POLE: variants seen among roughly 807,000 people sequenced by gnomAD.
POLE encodes DNA polymerase epsilon catalytic subunit A.
In POLE, 188 loss-of-function variants were observed where a neutral mutation model predicts 279.2. That is an observed-to-expected ratio of 0.67 (90% CI 0.60 to 0.76). The LOEUF (loss-of-function observed/expected upper bound fraction) is 0.76, where lower values mean the gene tolerates loss of function less well. Among genes scored for constraint, POLE ranks in the 30% least tolerant of loss-of-function variants. The probability of loss-of-function intolerance (pLI) is 0.00; values close to 1 mark genes in which losing one functional copy is unlikely to be tolerated. For missense variants in POLE, 2,703 were observed against 3,016.7 expected, an observed-to-expected ratio of 0.90 and a Z score of 2.44; for synonymous variants, 1,214 against 1,172.5, an observed-to-expected ratio of 1.04 and a Z score of -0.72.
At position 132,642,847 on chromosome 12, in the gene POLE, G is replaced by A. The variant is rs1060504060; in HGVS notation, c.4701C>T (p.Ala1567=). The A allele has an allele frequency of 1.2e-5, 19 of 1,614,082 alleles. No homozygotes were observed. Among genetic ancestry groups the A allele is most frequent in the Non-Finnish European group, 1.6e-5 (19 of 1,179,996 alleles). The change falls in exon 36 of 49, where the codon GCC becomes GCT. Residue 1567 remains alanine, a synonymous_variant. Coordinates refer to ENST00000320574, the MANE Select transcript of POLE (RefSeq NM_006231.4). ...AETDLKTICR[A]IQRFLLAYKE... ...TGTAGGCGAGCAGGAATCGCTGGATGGCTCTGCAGATGGTCTTCAGGTCAG... is the reference window on the plus strand; with the variant it reads ...TGTAGGCGAGCAGGAATCGCTGGATAGCTCTGCAGATGGTCTTCAGGTCAG...
chr12:132,632,584 A>G, intron 44 of POLE, 76 bp from the exon 45 acceptor site: 4 of 1,608,324 alleles, frequency 2.5e-6, no homozygotes, highest in South Asian at 1.1e-5. Context: ...GGGGACTGGC[A>G]CCGGGGACCA....
chr12:132,664,510 A>AG lies in POLE; in HGVS notation c.2469-49dup, dbSNP rs553164179. 143 of 1,406,958 alleles carry AG rather than the reference A, an allele frequency of 1.0e-4. 2 individuals carry two copies. The South Asian group carries it at 1.5e-3, about 15-fold the overall frequency. 87.2% of individuals were successfully genotyped at this position (1,406,958 alleles called of 1,614,324 possible). ...TGGGTGGGGCTGGCATGGCTCCTCC[A>AG]GGGGGTATCAGAGGCAGTGAGGAGT... On this transcript the variant is annotated intron_variant, in intron 21 of 48. Coordinates refer to ENST00000320574, the MANE Select transcript of POLE (RefSeq NM_006231.4). This position sits in a 1 kb window ranked among gnomAD's most constrained non-coding sequence, Gnocchi z 5.3.
intron 13 of POLE, 73 bp downstream of exon 13, chr12:132,673,502 G>A (rs2135998329): frequency 1.3e-6 from 2 of 1,562,766 alleles, no homozygotes; most frequent in Non-Finnish European, 1.7e-6. Flanking sequence ...TGGCTCACAT[G>A]CCTGGGGCTG....
intron 20 of POLE, among the ~76,000 whole-genome samples, chr12:132,666,536 C>G (rs2042800872): frequency 6.6e-6 from 1 of 152,242 alleles, no homozygotes; most frequent in South Asian, 2.1e-4. Flanking sequence ...GAGCCAAGGT[C>G]ACACCACTGT....
chr12:132,624,969 T>A lies in POLE; in HGVS notation c.6683A>T (p.Lys2228Met), dbSNP rs2041801650. The change falls in exon 48 of 49, where the codon AAG becomes ATG. Residue 2228 changes from lysine to methionine, a missense_variant. This residue lies in a region of POLE where 1,551 missense variants were observed against 1,686.1 expected (regional missense o/e 0.92). Transcript: ENST00000320574. ...GCAGTACACAGGCATGCTGGTCTCC[T>A]TCACCCCGCGGCACTTCAGGCAGAC... The part of the protein sequence containing the change: ...DLVCLKCRGV[K>M]ETSMPVYCSC... 6.2e-7 allele frequency: 1 copy of A among 1,613,716 alleles called. No individual in the cohort carries two copies. Among genetic ancestry groups the A allele is most frequent in the Non-Finnish European group, 8.5e-7 (1 of 1,179,910 alleles).
At chr12:132,676,287 C>G (rs2043049898) in intron 9 of POLE, 83 bp from the exon 10 acceptor site, 5 of 912,396 alleles carry the variant, frequency 5.5e-6, no homozygotes, top group Non-Finnish European at 7.0e-6. Context: ...ACACACTCTG[C>G]CTAGAGATTC....
At chr12:132,625,872 G>T in intron 46 of POLE, 102 bp from the exon 47 acceptor site, 1 of 1,479,050 alleles carries the variant, frequency 6.8e-7, no homozygotes, top group Non-Finnish European at 9.1e-7. Context: ...AGCGCCTGGT[G>T]ACGGGCGAGT....
chr12:132,668,411 G>A lies in POLE; in HGVS notation c.2118C>T (p.Ala706=), dbSNP rs1555227247. 1 of 1,612,210 alleles carries A rather than the reference G, an allele frequency of 6.2e-7. No individual in the cohort carries two copies. Among genetic ancestry groups the A allele is most frequent in the Non-Finnish European group, 8.5e-7 (1 of 1,179,080 alleles). ...GTTCCTCGCGGGACAGTTCATGAAAGGCCCGAGCTGGCCCCTCTGGGAACA... is the reference window on the plus strand; with the variant it reads ...GTTCCTCGCGGGACAGTTCATGAAAAGCCCGAGCTGGCCCCTCTGGGAACA... ...PPLFPEGPAR[A]FHELSREEQA... Residue 706 remains alanine (A), a synonymous_variant, in exon 19 of 49, where the codon GCC becomes GCT. Transcript: ENST00000320574. The surrounding 1 kb of genome is among the most constrained non-coding windows in gnomAD (Gnocchi z 4.0).
rs560014545 is a variant in POLE at position 132,629,235 on chromosome 12, G to A, written c.6331-2918C>T. On this transcript the variant is annotated intron_variant, in intron 45 of 48. Transcript: ENST00000320574. Reference sequence around the variant, plus strand: ...TTTGGAAGGAATCTTTTTCTGAGCTGCAGGTAGTGGCCTTAAAAGACTGAA... The same window carrying A: ...TTTGGAAGGAATCTTTTTCTGAGCTACAGGTAGTGGCCTTAAAAGACTGAA... Among the ~76,000 whole-genome samples, 6 of 152,336 alleles carry A rather than the reference G, an allele frequency of 3.9e-5. No individual in the cohort carries two copies. In the South Asian group the frequency reaches 8.3e-4, roughly 21 times the overall value.
At chr12:132,628,189 A>T (rs953596642) in intron 45 of POLE, among the ~76,000 whole-genome samples, 129 of 152,048 alleles carry the variant, frequency 8.5e-4, no homozygotes, top group African/African-American at 3.0e-3. Flanking sequence ...TAAAAATACG[A>T]AAATTAGCCA....
chr12:132,676,027 C>A, intron 10 of POLE, 67 bp downstream of exon 10: 1 of 1,128,520 alleles, frequency 8.9e-7, no homozygotes, highest in Non-Finnish European at 1.3e-6. Context: ...TGCCTGAGGC[C>A]TTGGAAAGAT....
At chr12:132,650,163 C>T in intron 29 of POLE, 1 of 461,350 alleles carries the variant, frequency 2.2e-6, no homozygotes, top group Non-Finnish European at 4.0e-6. Context: ...GAACTATGAT[C>T]ACACCACTGA....
At position 132,649,494 on chromosome 12, in the gene POLE, G is replaced by A. The variant is rs758784435; in HGVS notation, c.3817C>T (p.Arg1273Trp). The A allele has an allele frequency of 6.2e-6, 10 of 1,612,220 alleles. No individual in the cohort carries two copies. Among genetic ancestry groups the A allele is most frequent in the South Asian group, 3.3e-5 (3 of 91,050 alleles). Residue 1273 changes from arginine (R) to tryptophan (W), a missense_variant, in exon 31 of 49, where the codon CGG becomes TGG. Arg to Trp is a moderately radical substitution (Grantham distance 101). Coordinates refer to ENST00000320574, the MANE Select transcript of POLE (RefSeq NM_006231.4). ...AGCTGCCACTTCTTCTTGTGGAACCGGAGCCAGACAAGCCATTCCTCCTGG... is the reference window on the plus strand; with the variant it reads ...AGCTGCCACTTCTTCTTGTGGAACCAGAGCCAGACAAGCCATTCCTCCTGG... ...TSQEEWLVWL[R>W]FHKKKWQLQA...
Position 132,673,267 on chromosome 12 carries a change from G to T in POLE, c.1370C>A (p.Thr457Lys). The part of the protein sequence containing the change: ...MATEQPQTLA[T>K]YSVSDAVATY... ...GGCGACAGCATCTGACACAGAATACGTGGCCAGAGTCTGAGGAGAGAACGC... is the reference window on the plus strand; with the variant it reads ...GGCGACAGCATCTGACACAGAATACTTGGCCAGAGTCTGAGGAGAGAACGC... Residue 457 changes from threonine to lysine, a missense_variant, in exon 14 of 49, where the codon ACG (threonine) becomes AAG (lysine). Transcript: ENST00000320574. 6.2e-7 allele frequency: 1 copy of T among 1,606,824 alleles called. No homozygotes were observed. The highest frequency in any genetic ancestry group is 1.1e-5 in the South Asian group (1 of 90,950).
Position 132,665,424 on chromosome 12 carries a change from GGCC to G in POLE, c.2343_2345del (p.Ala782del), listed in dbSNP as rs1064796065. On this transcript the variant is annotated inframe_deletion, in exon 21 of 49. Transcript: ENST00000320574. Reference sequence around the variant, plus strand: ...CCTCAGCCGCGTCGCCCACCTCCACGGCCGCCGAGAGCTTCTTTTTCCACACCT... The same window carrying G: ...CCTCAGCCGCGTCGCCCACCTCCACGGCCGAGAGCTTCTTTTTCCACACCT... 1 of 1,612,042 alleles carries G rather than the reference GGCC, an allele frequency of 6.2e-7. No individual in the cohort carries two copies. Among genetic ancestry groups the G allele is most frequent in the Non-Finnish European group, 8.5e-7 (1 of 1,179,804 alleles).
Position 132,668,886 on chromosome 12 carries a change from G to A in POLE, c.1848C>T (p.Arg616=). 1.2e-6 allele frequency: 2 copies of A among 1,614,120 alleles called. No individual in the cohort carries two copies. The highest frequency in any genetic ancestry group is 8.5e-7 in the Non-Finnish European group (1 of 1,179,990). ...KLASLKDVPS[R]IECPLIYHLD... ...GGTGGTAGATGAGTGGACACTCGATGCGGCTGGGAACGTCCTTCAGGGAGG... is the reference window on the plus strand; with the variant it reads ...GGTGGTAGATGAGTGGACACTCGATACGGCTGGGAACGTCCTTCAGGGAGG... Residue 616 remains arginine, a synonymous_variant, in exon 17 of 49, where the codon CGC becomes CGT. Coordinates refer to ENST00000320574, the MANE Select transcript of POLE (RefSeq NM_006231.4). The surrounding 1 kb of genome is among the most constrained non-coding windows in gnomAD (Gnocchi z 4.0).
intron 44 of POLE, 49 bp from the exon 45 acceptor site, chr12:132,632,557 T>C (rs1177659422): frequency 1.2e-6 from 2 of 1,606,344 alleles, no homozygotes; most frequent in Non-Finnish European, 1.7e-6. Flanking sequence ...TGTCTGGCAC[T>C]GGGGACCTCC....
chr12:132,677,290 T>C, intron 8 of POLE, 73 bp downstream of exon 8: 1 of 1,023,666 alleles, frequency 9.8e-7, no homozygotes. Context: ...TCAGATTCAC[T>C]CTCCAGCACT....
At position 132,648,915 on chromosome 12, in the gene POLE, C is replaced by A; in HGVS notation, c.4149+14G>T. 6.2e-7 allele frequency: 1 copy of A among 1,604,010 alleles called. No homozygotes were observed. Among genetic ancestry groups the A allele is most frequent in the East Asian group, 2.2e-5 (1 of 44,678 alleles). On this transcript the variant is annotated intron_variant, in intron 32 of 48. Transcript: ENST00000320574. Reference sequence around the variant, plus strand: ...GCCCAGATGACTGCAGAGGCAGCACCAGCTCCTCCCTACCTTGCGATACGA... The same window carrying A: ...GCCCAGATGACTGCAGAGGCAGCACAAGCTCCTCCCTACCTTGCGATACGA...
Sources: allele counts gnomAD v4.1 joint callset (sites outside exome capture counted in the v4.1 genomes callset), GRCh38; gene constraint gnomAD v4.1.1; regional missense constraint gnomAD v4.1.1; non-coding constraint Gnocchi (gnomAD v3.1); transcripts MANE v1.5; gene names NCBI Gene and HGNC (gene_info 2026-07-23, HGNC 2026-07-21).